Variants in KDM4B observed in about 807,000 individuals in gnomAD.
KDM4B encodes the protein lysine demethylase 4B.
Under a neutral mutation model 125.2 loss-of-function variants are expected in KDM4B, and 32 were observed. The observed-to-expected ratio is 0.26, with a 90% CI of 0.19 to 0.34. The LOEUF is 0.34. KDM4B is among the 10% of genes least tolerant of loss of function. The probability of loss-of-function intolerance (pLI) is 1.00; values close to 1 mark genes in which losing one functional copy is unlikely to be tolerated. For missense variants in KDM4B, 1,190 were observed against 1,577.7 expected, an observed-to-expected ratio of 0.75 and a Z score of 4.16; for synonymous variants, 721 against 677.9, an observed-to-expected ratio of 1.06 and a Z score of -0.99.
rs1568316780 is a variant in KDM4B at position 5,131,557 on chromosome 19, CGGGGG to C, written c.1785+13_1785+17del. 2 of 280,400 alleles carry C rather than the reference CGGGGG, an allele frequency of 7.1e-6. No individual in the cohort carries two copies. The highest frequency in any genetic ancestry group is 1.0e-4 in the African/African-American group (1 of 9,860). The allele number at this position is 280,400 out of a possible 1,614,324, so 17.4% of individuals were successfully genotyped here. A position where few individuals can be genotyped will look rare whatever the true frequency, so the allele number is the denominator to read the frequency against. On this transcript the variant is annotated intron_variant, in intron 12 of 22. Coordinates refer to ENST00000159111, the MANE Select transcript of KDM4B (RefSeq NM_015015.3). ...CCGGAGAGGGGCAGGTGGGGTGGAG[CGGGGG>C]AGGCAGGGAGGAGGGGGGCAGGTGG...
intron 9 of KDM4B, among the ~76,000 whole-genome samples, chr19:5,101,667 G>T (rs1415984703): frequency 6.6e-6 from 1 of 151,242 alleles, no homozygotes; most frequent in Non-Finnish European, 1.5e-5. Flanking sequence ...GGCTGTGGAT[G>T]CAGGGGAAGG....
chr19:5,132,451 T>C (rs2039575299), intron 13 of KDM4B, among the ~76,000 whole-genome samples: 1 of 152,174 alleles, frequency 6.6e-6, no homozygotes, highest in Non-Finnish European at 1.5e-5. Flanking sequence ...AGCCAGTTTT[T>C]CAACTTCTGC....
At chr19:4,978,619 G>T (rs538374014) in intron 1 of KDM4B, among the ~76,000 whole-genome samples, 2 of 151,680 alleles carry the variant, frequency 1.3e-5, no homozygotes, top group African/African-American at 4.9e-5. Flanking sequence ...CTCTAGCCAC[G>T]GGTGTCCTGC....
intron 9 of KDM4B, among the ~76,000 whole-genome samples, chr19:5,088,519 C>T (rs1157260077): frequency 1.3e-5 from 2 of 152,108 alleles, no homozygotes; most frequent in Non-Finnish European, 2.9e-5. Context: ...TGCCCCTGCC[C>T]ACAGCTCCAC....
At chr19:5,140,024 G>A (rs1272014316) in intron 18 of KDM4B, among the ~76,000 whole-genome samples, 3 of 152,164 alleles carry the variant, frequency 2.0e-5, no homozygotes. Flanking sequence ...TCTGTGCCTC[G>A]GCCGTCCCTT....
In KDM4B at chr19:5,090,648, GC is replaced by G. The variant is rs1214681838; in HGVS notation, c.918+8151del. Among the ~76,000 whole-genome samples, 22 of 102,032 alleles carry G rather than the reference GC, an allele frequency of 2.2e-4. 1 individual carries two copies. Among genetic ancestry groups the G allele is most frequent in the African/African-American group, 6.5e-4 (16 of 24,748 alleles). 66.9% of individuals were successfully genotyped at this position (102,032 alleles called of 152,430 possible). ...CGCTGCGCGCGTGCGCCCCCCTCCGGCCCCCCCTTCCCCCCACCGCCGACAG... is the reference window on the plus strand; with the variant it reads ...CGCTGCGCGCGTGCGCCCCCCTCCGGCCCCCCTTCCCCCCACCGCCGACAG... On this transcript the variant is annotated intron_variant, in intron 9 of 22. Coordinates refer to ENST00000159111, the MANE Select transcript of KDM4B (RefSeq NM_015015.3).
chr19:5,044,162 G>A (rs533827382), intron 5 of KDM4B, among the ~76,000 whole-genome samples: 2 of 100,862 alleles, frequency 2.0e-5, no homozygotes, highest in African/African-American at 8.4e-5. Flanking sequence ...GGTGTTTATC[G>A]GAGTGGGGTG....
At chr19:5,054,900 C>T (rs1456234554) in intron 6 of KDM4B, among the ~76,000 whole-genome samples, 1 of 152,254 alleles carries the variant, frequency 6.6e-6, no homozygotes, top group Admixed American at 6.5e-5. Flanking sequence ...CGCCATCAGC[C>T]CAGGCCTGCT....
chr19:5,080,356 G>T (rs1268871706), intron 8 of KDM4B, among the ~76,000 whole-genome samples: 2 of 152,192 alleles, frequency 1.3e-5, no homozygotes, highest in South Asian at 2.1e-4. Flanking sequence ...TGATCAGCAG[G>T]CCTGAGAACT....
chr19:5,017,089 T>C (rs1179438715), intron 2 of KDM4B, among the ~76,000 whole-genome samples: 19 of 152,180 alleles, frequency 1.2e-4, no homozygotes, highest in Admixed American at 1.2e-3. Flanking sequence ...TTGGATTGTG[T>C]GCCGCTTCCC....
intron 9 of KDM4B, among the ~76,000 whole-genome samples, chr19:5,100,942 T>A (rs1231688251): frequency 6.6e-6 from 1 of 152,178 alleles, no homozygotes; most frequent in Non-Finnish European, 1.5e-5. Context: ...CTTCTCTGGC[T>A]GGACACGGTG....
intron 6 of KDM4B, among the ~76,000 whole-genome samples, chr19:5,067,575 A>G (rs2037812971): frequency 6.8e-6 from 1 of 146,172 alleles, no homozygotes; most frequent in Admixed American, 6.8e-5. Context: ...TGACAGAGTC[A>G]GAGGACAGAG....
intron 1 of KDM4B, among the ~76,000 whole-genome samples, chr19:4,978,506 CAAAAAAAAAAAAAAAAA>C (rs58304162): frequency 1.1e-4 from 4 of 36,394 alleles, no homozygotes; most frequent in African/African-American, 1.4e-4. Context: ...GACTCTGTCT[CAAAAAAAAAAAAAAAAA>C]AAAAAAAAAA....
intron 10 of KDM4B, 148 bp downstream of exon 10, chr19:5,110,966 T>C (rs1289442010): frequency 1.6e-6 from 1 of 635,340 alleles, no homozygotes; most frequent in Non-Finnish European, 2.7e-6. Context: ...TCCTCTTTCG[T>C]CCTCCTCCTC....
Position 5,047,484 on chromosome 19 carries a change from C to A in KDM4B, c.441C>A (p.Ala147=), listed in dbSNP as rs759584161. The A allele has an allele frequency of 1.9e-6, 3 of 1,608,584 alleles. 1 individual carries two copies. In the South Asian group the frequency reaches 3.3e-5, roughly 18 times the overall value. ...ISGSLYDDDV[A]QWNIGSLRTI... Reference sequence around the variant, plus strand: ...GCTCTGCCGCCCCACAGGACGTGGCCCAGTGGAACATCGGGAGCCTCCGGA... The same window carrying A: ...GCTCTGCCGCCCCACAGGACGTGGCACAGTGGAACATCGGGAGCCTCCGGA... Residue 147 remains alanine, a synonymous_variant, in exon 6 of 23, where the codon GCC becomes GCA. Transcript: ENST00000159111.
intron 1 of KDM4B, among the ~76,000 whole-genome samples, chr19:4,978,257 A>G: frequency 6.6e-6 from 1 of 152,106 alleles, no homozygotes; most frequent in Non-Finnish European, 1.5e-5. Context: ...CTGTCATCCC[A>G]GCACTTTGGG....
At position 5,152,514 on chromosome 19, in the gene KDM4B, C is replaced by T. The variant is rs1055769298; in HGVS notation, c.*1003C>T. ...CAGCTTCCCAGCTCTTCGGGTACAA[C>T]CCTGAGCAGGTCGGGGGACACAGGG... On this transcript the variant is annotated 3_prime_UTR_variant, in exon 23 of 23. Transcript: ENST00000159111. 1 of 152,342 alleles carries T rather than the reference C, an allele frequency of 6.6e-6. No individual in the cohort carries two copies. The highest frequency in any genetic ancestry group is 2.4e-5 in the African/African-American group (1 of 41,472). 9.4% of individuals were successfully genotyped at this position (152,342 alleles called of 1,614,324 possible). A position where few individuals can be genotyped will look rare whatever the true frequency, so the allele number is the denominator to read the frequency against.
chr19:4,997,182 T>C lies in KDM4B; in HGVS notation c.-108-19075T>C, dbSNP rs73538591. On this transcript the variant is annotated intron_variant, in intron 1 of 22. Transcript: ENST00000159111. The surrounding 1 kb of genome is among the most constrained non-coding windows in gnomAD (Gnocchi z 4.2). ...AGAACCCCTGTTTTGGAATAACCCT[T>C]TCTGTACCCGGGCTATTACCACCCT... is the stretch of plus-strand genomic sequence containing the variant. Among the ~76,000 whole-genome samples, 641 of 152,332 alleles carry C rather than the reference T, an allele frequency of 4.2e-3. 8 individuals carry two copies. The highest frequency in any genetic ancestry group is 0.015 in the African/African-American group (609 of 41,566).
At position 5,081,134 on chromosome 19, in the gene KDM4B, T is replaced by C. The variant is rs1441151509; in HGVS notation, c.781-1233T>C. ...TACGCCCAGAACTCCGAGCAGCCTG[T>C]GATCCCTGCGTTTTACTGGATGTTA... is the stretch of plus-strand genomic sequence containing the variant. On this transcript the variant is annotated intron_variant, in intron 8 of 22. Transcript: ENST00000159111. The surrounding 1 kb of genome is among the most constrained non-coding windows in gnomAD (Gnocchi z 4.2). 1.3e-5 allele frequency: 2 copies of C among 152,242 alleles called. No homozygotes were observed. The highest frequency in any genetic ancestry group is 1.3e-4 in the Admixed American group (2 of 15,284). 9.4% of individuals were successfully genotyped at this position (152,242 alleles called of 1,614,324 possible).
Sources: gnomAD v4.1 joint callset for allele counts (sites outside exome capture counted in the v4.1 genomes callset) on GRCh38, gnomAD v4.1.1 for gene constraint, Gnocchi (gnomAD v3.1) non-coding constraint, MANE v1.5 for transcripts, NCBI Gene and HGNC (gene_info 2026-07-23, HGNC 2026-07-21) for gene names.